The following LIN28B variants were observed in gnomAD, a reference collection of about 807,000 sequenced individuals.
The protein encoded by LIN28B is protein lin-28 homolog B.
A neutral mutation model predicts 21.9 loss-of-function variants in LIN28B; 5 were observed. That is an observed-to-expected ratio of 0.23 (90% CI 0.12 to 0.48). LIN28B has a LOEUF of 0.48. Among genes scored for constraint, LIN28B ranks in the 20% least tolerant of loss-of-function variants. The probability of loss-of-function intolerance (pLI) is 0.98; values close to 1 mark genes in which losing one functional copy is unlikely to be tolerated. For missense variants in LIN28B, 245 were observed against 310.5 expected (o/e 0.79, Z 1.58); for synonymous variants, 109 against 111.3 (o/e 0.98, Z 0.13).
chr6:105,018,132 T>G (rs1771066720), intron 2 of LIN28B, among the ~76,000 whole-genome samples: 1 of 151,816 alleles, frequency 6.6e-6, no homozygotes, highest in Non-Finnish European at 1.5e-5. Flanking sequence ...CAAAAAAATT[T>G]TAAAAGTAGC....
At chr6:105,071,257 C>T (rs1478740869) in intron 3 of LIN28B, among the ~76,000 whole-genome samples, 2 of 152,008 alleles carry the variant, frequency 1.3e-5, no homozygotes, top group Non-Finnish European at 2.9e-5. Flanking sequence ...TCGATCATAC[C>T]GTATTTATGT....
chr6:105,030,008 A>G (rs1271702924), intron 3 of LIN28B, among the ~76,000 whole-genome samples: 2 of 152,302 alleles, frequency 1.3e-5, no homozygotes, highest in African/African-American at 4.8e-5. Context: ...TCAGAAGTGA[A>G]TAACTGTTCC....
At chr6:105,067,114 A>C (rs1772233869) in intron 3 of LIN28B, among the ~76,000 whole-genome samples, 1 of 152,168 alleles carries the variant, frequency 6.6e-6, no homozygotes, top group African/African-American at 2.4e-5. Flanking sequence ...TAAATGAACA[A>C]ACATTTCCAG....
intron 3 of LIN28B, among the ~76,000 whole-genome samples, chr6:105,078,183 C>T (rs1044566355): frequency 6.6e-6 from 1 of 152,100 alleles, no homozygotes; most frequent in African/African-American, 2.4e-5. Context: ...TTGTTTTTCA[C>T]TGTGTTTAGT....
At chr6:105,026,861 C>T (rs774042423) in intron 3 of LIN28B, among the ~76,000 whole-genome samples, 7 of 151,820 alleles carry the variant, frequency 4.6e-5, no homozygotes, top group Non-Finnish European at 7.4e-5. Flanking sequence ...AGACAGCTCA[C>T]GTATAGAAAG....
chr6:104,967,671 A>AT (rs1769891484), intron 2 of LIN28B, among the ~76,000 whole-genome samples: 1 of 146,158 alleles, frequency 6.8e-6, no homozygotes, highest in African/African-American at 2.6e-5. Context: ...TTTTTATTTA[A>AT]TTAATTATTA....
At chr6:104,991,465 C>T (rs1203677901) in intron 2 of LIN28B, among the ~76,000 whole-genome samples, 1 of 151,340 alleles carries the variant, frequency 6.6e-6, no homozygotes, top group Non-Finnish European at 1.5e-5. Flanking sequence ...GGCGGCTGGG[C>T]AGAGACGCTC....
intron 2 of LIN28B, among the ~76,000 whole-genome samples, chr6:104,959,648 C>A (rs998602358): frequency 8.5e-5 from 13 of 152,282 alleles, no homozygotes; most frequent in South Asian, 6.2e-4. Flanking sequence ...TACACAAATA[C>A]AAGTCCACAT....
At chr6:105,050,022 G>T (rs1312072694) in intron 3 of LIN28B, among the ~76,000 whole-genome samples, 3 of 152,136 alleles carry the variant, frequency 2.0e-5, no homozygotes, top group Admixed American at 6.5e-5. Context: ...ATATTGTTAT[G>T]TGTGGTTTTG....
In LIN28B at chr6:104,958,107, A is replaced by C. The variant is rs1463768751; in HGVS notation, c.19A>C (p.Ser7Arg). 1 of 1,580,754 alleles carries C rather than the reference A, an allele frequency of 6.3e-7. No individual in the cohort carries two copies. The highest frequency in any genetic ancestry group is 8.6e-7 in the Non-Finnish European group (1 of 1,157,702). The change falls in exon 2 of 4, where the codon AGC (serine) becomes CGC (arginine). Residue 7 changes from serine (S) to arginine (R), a missense_variant. Ser to Arg is a moderately radical substitution (Grantham distance 110). Coordinates refer to ENST00000345080, the MANE Select transcript of LIN28B (RefSeq NM_001004317.4). Reference protein sequence around the residue: MAEGGASKGGGEEPGKL... With the variant: MAEGGARKGGGEEPGKL... The stretch of plus-strand genomic sequence containing the variant: ...GTCCTGTTCCTTCTCAGGCGGGGCT[A>C]GCAAAGGTGGTGGAGAAGAGCCCGG...
intron 2 of LIN28B, among the ~76,000 whole-genome samples, chr6:105,010,508 AAC>A (rs1465582351): frequency 1.3e-5 from 2 of 152,210 alleles, no homozygotes; most frequent in Non-Finnish European, 2.9e-5. Flanking sequence ...AAAATTTTGA[AAC>A]ACAGGTTGAA....
intron 2 of LIN28B, among the ~76,000 whole-genome samples, chr6:104,969,912 A>G (rs1289321379): frequency 1.3e-5 from 2 of 152,208 alleles, no homozygotes; most frequent in Non-Finnish European, 2.9e-5. Flanking sequence ...GTTTAAACAA[A>G]CACAAAACAC....
At chr6:105,012,373 G>A (rs1279019208) in intron 2 of LIN28B, among the ~76,000 whole-genome samples, 5 of 151,676 alleles carry the variant, frequency 3.3e-5, no homozygotes, top group Non-Finnish European at 7.4e-5. Flanking sequence ...GGAGGTTGAG[G>A]CAGGAGAATC....
chr6:105,067,229 G>A (rs1334031855), intron 3 of LIN28B, among the ~76,000 whole-genome samples: 1 of 152,094 alleles, frequency 6.6e-6, no homozygotes, highest in Non-Finnish European at 1.5e-5. Context: ...ATAATTGATA[G>A]TAGTACTAAC....
intron 2 of LIN28B, among the ~76,000 whole-genome samples, chr6:105,014,728 C>T (rs1268538589): frequency 6.6e-6 from 1 of 152,028 alleles, no homozygotes; most frequent in African/African-American, 2.4e-5. Context: ...TGTTGGATTA[C>T]AGATATAAGC....
intron 2 of LIN28B, among the ~76,000 whole-genome samples, chr6:105,013,715 C>A (rs1461404381): frequency 4.4e-5 from 4 of 91,684 alleles, no homozygotes; most frequent in Non-Finnish European, 6.3e-5. Context: ...AGCAGTGAGA[C>A]CCTGTCTCAA....
At chr6:104,984,315 AAAT>A (rs1770288759) in intron 2 of LIN28B, among the ~76,000 whole-genome samples, 3 of 152,392 alleles carry the variant, frequency 2.0e-5, no homozygotes, top group Non-Finnish European at 1.5e-5. Context: ...CACAATGTAT[AAAT>A]AATAAACATA....
At chr6:105,065,381 G>A (rs559007244) in intron 3 of LIN28B, among the ~76,000 whole-genome samples, 3 of 152,320 alleles carry the variant, frequency 2.0e-5, no homozygotes, top group South Asian at 4.1e-4. Flanking sequence ...GTTTACAGAG[G>A]TTATCTGAAC....
chr6:105,030,739 G>A (rs1022143741), intron 3 of LIN28B, among the ~76,000 whole-genome samples: 1 of 151,676 alleles, frequency 6.6e-6, no homozygotes, highest in Non-Finnish European at 1.5e-5. Context: ...CGGGACTACA[G>A]GTGTGCACCA....
Sources: allele counts gnomAD v4.1 joint callset (sites outside exome capture counted in the v4.1 genomes callset), GRCh38; gene constraint gnomAD v4.1.1; transcripts MANE v1.5; gene names NCBI Gene and HGNC (gene_info 2026-07-23, HGNC 2026-07-21).